KCTD1: variants seen among roughly 807,000 people sequenced by gnomAD.
KCTD1 encodes potassium channel tetramerization domain containing 1.
KCTD1 carries 24 observed loss-of-function variants against 66.0 expected under a neutral mutation model. The observed-to-expected ratio is 0.36, with a 90% confidence interval of 0.26 to 0.51. The LOEUF (loss-of-function observed/expected upper bound fraction) is 0.51. Ranked by LOEUF, KCTD1 falls within the 20% of genes least tolerant of loss-of-function variation. The pLI, the probability that KCTD1 is intolerant of heterozygous loss-of-function variation, is 0.95. For missense variants in KCTD1, 943 were observed against 1,205.2 expected, an observed-to-expected ratio of 0.78 and a Z score of 3.22; for synonymous variants, 511 against 517.2, an observed-to-expected ratio of 0.99 and a Z score of 0.16.
intron 1 of KCTD1, among the ~76,000 whole-genome samples, chr18:26,605,821 TC>T (rs1987003313): frequency 6.6e-6 from 1 of 152,080 alleles, no homozygotes; most frequent in African/African-American, 2.4e-5. Context: ...TGTTTACCCT[TC>T]TCTTTGCAGT....
chr18:26,500,881 G>A (rs896247050), intron 2 of KCTD1, among the ~76,000 whole-genome samples, 191 bp downstream of exon 2: 12 of 152,048 alleles, frequency 7.9e-5, no homozygotes, highest in Non-Finnish European at 1.8e-4. Context: ...ACTAAGCTGC[G>A]GGTCCAATCC....
At chr18:26,536,492 C>T (rs1271233561) in intron 1 of KCTD1, among the ~76,000 whole-genome samples, 1 of 152,196 alleles carries the variant, frequency 6.6e-6, no homozygotes, top group African/African-American at 2.4e-5. Flanking sequence ...ATTCCCCATA[C>T]ATGCACTTCA....
chr18:26,585,588 C>G (rs1986455033), intron 1 of KCTD1, among the ~76,000 whole-genome samples: 1 of 152,106 alleles, frequency 6.6e-6, no homozygotes, highest in Non-Finnish European at 1.5e-5. Context: ...AGGAAAAGAC[C>G]AGGTACAATA....
intron 1 of KCTD1, among the ~76,000 whole-genome samples, chr18:26,515,137 G>C (rs1983586815): frequency 6.6e-6 from 1 of 152,132 alleles, no homozygotes; most frequent in African/African-American, 2.4e-5. Flanking sequence ...AACCTGACTG[G>C]GAAGAAAAGT....
chr18:26,480,016 AG>A (rs1308166648), intron 2 of KCTD1, among the ~76,000 whole-genome samples: 1 of 150,044 alleles, frequency 6.7e-6, no homozygotes, highest in Non-Finnish European at 1.5e-5. Flanking sequence ...AGCTGGCTCC[AG>A]ACGATGTATG....
chr18:26,637,583 C>T (rs762710350), intron 1 of KCTD1, among the ~76,000 whole-genome samples: 1 of 152,224 alleles, frequency 6.6e-6, no homozygotes, highest in African/African-American at 2.4e-5. Context: ...AGAAGCCTGG[C>T]GTCCTTTCAG....
intron 1 of KCTD1, among the ~76,000 whole-genome samples, chr18:26,531,480 T>C (rs1423283652): frequency 6.6e-6 from 1 of 152,172 alleles, no homozygotes; most frequent in Non-Finnish European, 1.5e-5. Flanking sequence ...AACATATAAA[T>C]CCTAACCAAA....
At chr18:26,499,786 T>C (rs1982660999) in intron 2 of KCTD1, among the ~76,000 whole-genome samples, 1 of 151,846 alleles carries the variant, frequency 6.6e-6, no homozygotes, top group South Asian at 2.1e-4. Flanking sequence ...GCTCAAGGAG[T>C]GTGTTTCCAG....
At position 26,468,083 on chromosome 18, in the gene KCTD1, T is replaced by G. The variant is rs1980846766; in HGVS notation, c.2134-8158A>C. The stretch of plus-strand genomic sequence containing the variant: ...AAAATGGGGCCGAAGCTCTAGACTC[T>G]TGGTGTGCTGAGAGTTGCAACCACG... On this transcript the variant is annotated intron_variant, in intron 3 of 4. Coordinates refer to ENST00000580059, the MANE Select transcript of KCTD1 (RefSeq NM_001142730.3). This position sits in a 1 kb window ranked among gnomAD's most constrained non-coding sequence, Gnocchi z 4.8. Among the ~76,000 whole-genome samples, 1 of 152,236 alleles carries G rather than the reference T, an allele frequency of 6.6e-6. No individual in the cohort carries two copies. Among genetic ancestry groups the G allele is most frequent in the Non-Finnish European group, 1.5e-5 (1 of 68,040 alleles).
rs1378518099 is a variant in KCTD1, at chr18:26,572,220, C to A, written c.-16+56927G>T. ...GACTACAGGCGCGCACCACCACACC[C>A]AGCTAATTTTTGTATTTTTAGTAGA... On this transcript the variant is annotated intron_variant, in intron 1 of 4. Coordinates refer to the KCTD1 transcript ENST00000317932. Among the ~76,000 whole-genome samples, 3 of 152,082 alleles carry A rather than the reference C, an allele frequency of 2.0e-5. No individual in the cohort carries two copies. In the East Asian group the frequency reaches 5.8e-4, roughly 29 times the overall value.
chr18:26,622,236 C>G (rs920573214), intron 1 of KCTD1, among the ~76,000 whole-genome samples: 1 of 152,048 alleles, frequency 6.6e-6, no homozygotes, highest in African/African-American at 2.4e-5. Context: ...TAAGAACTCA[C>G]GAGAGGAGCA....
At chr18:26,655,619 T>C (rs1263645813) in intron 1 of KCTD1, 1 of 152,236 alleles carries the variant, frequency 6.6e-6, no homozygotes, top group Non-Finnish European at 1.5e-5. Flanking sequence ...TGGTGTGCCA[T>C]TCTCCACGTA....
At chr18:26,505,676 T>C (rs1982997686) in intron 1 of KCTD1, among the ~76,000 whole-genome samples, 1 of 152,016 alleles carries the variant, frequency 6.6e-6, no homozygotes. Flanking sequence ...TTTGTCTCAG[T>C]CTCCCAAGTA....
At chr18:26,605,485 A>G (rs1212592504) in intron 1 of KCTD1, among the ~76,000 whole-genome samples, 1 of 152,074 alleles carries the variant, frequency 6.6e-6, no homozygotes, top group African/African-American at 2.4e-5. Flanking sequence ...ATTTTTCATT[A>G]TATCTTTTCT....
At chr18:26,627,147 C>T (rs1987518847) in intron 1 of KCTD1, among the ~76,000 whole-genome samples, 1 of 152,068 alleles carries the variant, frequency 6.6e-6, no homozygotes, top group Non-Finnish European at 1.5e-5. Flanking sequence ...CACCTGGAAA[C>T]TGGAAATTGG....
chr18:26,548,691 CGGAGGGGCAGCGGCGCGCAGGGGAT>C (rs1467655863), upstream of KCTD1: 19 of 935,612 alleles, frequency 2.0e-5, no homozygotes, highest in Non-Finnish European at 2.5e-5. Flanking sequence ...AGCGCAGCTC[CGGAGGGGCAGCGGCGCGCAGGGGAT>C]GGAGGGGAGG....
At chr18:26,620,973 C>T (rs1319931001) in intron 1 of KCTD1, among the ~76,000 whole-genome samples, 2 of 151,880 alleles carry the variant, frequency 1.3e-5, no homozygotes, top group African/African-American at 4.8e-5. Flanking sequence ...GCTGGGACTA[C>T]AGGCGCCCGC....
At position 26,547,649 on chromosome 18, in the gene KCTD1, G is replaced by A; in HGVS notation, c.888C>T (p.Ser296=). 6.4e-7 allele frequency: 1 copy of A among 1,551,630 alleles called. No homozygotes were observed. The highest frequency in any genetic ancestry group is 8.7e-7 in the Non-Finnish European group (1 of 1,146,996). The change falls in exon 1 of 5, where the codon AGC becomes AGT. Residue 296 remains serine (S), a synonymous_variant. Transcript: ENST00000580059. ...CGAAGGGCGTGTTGGTGCTGAAGACGCTGGAGGTGTACAGCTTGCGCAGGT... is the reference window on the plus strand; with the variant it reads ...CGAAGGGCGTGTTGGTGCTGAAGACACTGGAGGTGTACAGCTTGCGCAGGT... ...RADLRKLYTS[S]VFSTNTPFGL... is the part of the protein sequence containing the mutation.
chr18:26,554,084 C>G (rs1353997840), intron 1 of KCTD1, among the ~76,000 whole-genome samples: 1 of 118,060 alleles, frequency 8.5e-6, no homozygotes, highest in Non-Finnish European at 1.9e-5. Context: ...TTCAATAATT[C>G]AGAAAGAAAG....
Sources: gnomAD v4.1 joint callset for allele counts (sites outside exome capture counted in the v4.1 genomes callset) on GRCh38, gnomAD v4.1.1 for gene constraint, Gnocchi (gnomAD v3.1) non-coding constraint, MANE v1.5 for transcripts, NCBI Gene and HGNC (gene_info 2026-07-23, HGNC 2026-07-21) for gene names.